Variants in XIRP2 observed in about 807,000 individuals in gnomAD.
The protein encoded by XIRP2 is xin actin-binding repeat-containing protein 2.
A neutral mutation model predicts 277.0 loss-of-function variants in XIRP2; 236 were observed. That is an observed-to-expected ratio of 0.85 (90% confidence interval 0.77 to 0.95). The LOEUF (loss-of-function observed/expected upper bound fraction) is 0.95. Among genes scored for constraint, XIRP2 ranks in the 40% least tolerant of loss-of-function variants. The pLI, the probability that XIRP2 is intolerant of heterozygous loss-of-function variation, is 0.00. For synonymous variants in XIRP2, 1,490 were observed against 1,416.5 expected (o/e 1.05, Z -1.17); for missense variants, 4,640 against 4,157.5 (o/e 1.12, Z -3.19).
chr2:167,136,148 T>C, intron 3 of XIRP2, 86 bp downstream of exon 3: 11 of 1,323,140 alleles, frequency 8.3e-6, no homozygotes, highest in Non-Finnish European at 1.1e-5. Context: ...GAGGGGTTTG[T>C]TTAAAAATTA....
chr2:167,072,352 T>C (rs982449556), intron 2 of XIRP2, among the ~76,000 whole-genome samples: 1 of 152,154 alleles, frequency 6.6e-6, no homozygotes, highest in African/African-American at 2.4e-5. Context: ...CAAGTTAGTA[T>C]AATAGCTATG....
chr2:167,125,440 G>A (rs183105272), intron 2 of XIRP2, among the ~76,000 whole-genome samples: 1 of 152,260 alleles, frequency 6.6e-6, no homozygotes, highest in Non-Finnish European at 1.5e-5. Context: ...TACCAGCTTA[G>A]CATCAGACTG....
intron 2 of XIRP2, among the ~76,000 whole-genome samples, chr2:167,056,046 T>C (rs1024085221): frequency 6.6e-6 from 1 of 152,180 alleles, no homozygotes; most frequent in Non-Finnish European, 1.5e-5. Flanking sequence ...CACTAATTTT[T>C]ATTTCGAAAA....
chr2:167,031,212 T>C (rs1289468239), intron 2 of XIRP2, among the ~76,000 whole-genome samples: 1 of 152,172 alleles, frequency 6.6e-6, no homozygotes, highest in South Asian at 2.1e-4. Context: ...AACACTGTTA[T>C]GTGTGAATTT....
chr2:167,127,439 A>C (rs547830683), intron 2 of XIRP2, among the ~76,000 whole-genome samples: 7 of 152,286 alleles, frequency 4.6e-5, no homozygotes, highest in Admixed American at 3.9e-4. Flanking sequence ...GAAATGCTTC[A>C]TGTGGACTGA....
intron 3 of XIRP2, among the ~76,000 whole-genome samples, chr2:167,140,568 C>T (rs559002103): frequency 1.0e-3 from 155 of 152,256 alleles, no homozygotes; most frequent in African/African-American, 3.3e-3. Context: ...TCTCTGGATA[C>T]ACGATGGTGG....
In XIRP2 at chr2:167,216,679, TTGGTGGGACTGGAAACTAGTTCAA is replaced by T. The variant is rs1694253758; in HGVS notation, c.724-1486_724-1463del. ...GAGAAATAGGAACACTTTTACACTG[TTGGTGGGACTGGAAACTAGTTCAA>T]CCATTGTGGAAGTCAGTGTGGCGAT... On this transcript the variant is annotated intron_variant, in intron 4 of 10. Coordinates refer to ENST00000409195, the MANE Select transcript of XIRP2 (RefSeq NM_152381.6). 5.2e-5 allele frequency among the ~76,000 whole-genome samples: 3 copies of T among 57,406 alleles called. No individual in the cohort carries two copies. In the African/African-American group the frequency reaches 6.2e-4, roughly 12 times the overall value. 37.7% of individuals were successfully genotyped at this position (57,406 alleles called of 152,430 possible).
chr2:166,901,345 T>C (rs759733067), intron 1 of XIRP2, among the ~76,000 whole-genome samples: 37 of 152,092 alleles, frequency 2.4e-4, no homozygotes, highest in Non-Finnish European at 4.7e-4. Flanking sequence ...CTTTTCAAAG[T>C]CCTCATGTTT....
At chr2:166,957,254 G>A (rs2105402956) in intron 2 of XIRP2, among the ~76,000 whole-genome samples, 1 of 151,506 alleles carries the variant, frequency 6.6e-6, no homozygotes, top group East Asian at 2.0e-4. Flanking sequence ...AAATTAAATT[G>A]TACAAGGGAA....
intron 2 of XIRP2, among the ~76,000 whole-genome samples, chr2:167,109,418 C>G (rs1690689042): frequency 6.6e-6 from 1 of 151,958 alleles, no homozygotes; most frequent in Non-Finnish European, 1.5e-5. Flanking sequence ...GTAGCTGGGA[C>G]TACAGGCATG....
At chr2:167,063,015 T>G (rs1689209806) in intron 2 of XIRP2, among the ~76,000 whole-genome samples, 1 of 152,026 alleles carries the variant, frequency 6.6e-6, no homozygotes, top group Admixed American at 6.6e-5. Flanking sequence ...TTTTTCTAGT[T>G]TGTAGGCAAA....
chr2:167,024,276 A>C (rs13035716), intron 2 of XIRP2, among the ~76,000 whole-genome samples: 14,623 of 152,064 alleles, frequency 0.096, 782 homozygotes, highest in Middle Eastern at 0.16. Flanking sequence ...GTGTATAAGA[A>C]TGCTTGTGAT....
At chr2:167,135,079 T>A (rs1272043378) in intron 2 of XIRP2, among the ~76,000 whole-genome samples, 1 of 152,206 alleles carries the variant, frequency 6.6e-6, no homozygotes, top group Non-Finnish European at 1.5e-5. Flanking sequence ...AATCTTTAAC[T>A]TATGTGTAGC....
At chr2:167,078,690 G>A (rs1689645071) in intron 2 of XIRP2, among the ~76,000 whole-genome samples, 1 of 152,050 alleles carries the variant, frequency 6.6e-6, no homozygotes, top group Admixed American at 6.6e-5. Context: ...CAAAAAATTA[G>A]CAAGGGCATG....
At chr2:166,908,992 C>A (rs989322580) in intron 2 of XIRP2, among the ~76,000 whole-genome samples, 1 of 152,232 alleles carries the variant, frequency 6.6e-6, no homozygotes, top group African/African-American at 2.4e-5. Flanking sequence ...GTTTTGGTAC[C>A]AGTACCATGC....
Position 166,900,598 on chromosome 2 carries a change from T to C in XIRP2, c.-18-2867T>C, listed in dbSNP as rs114636725. ...GTTGTAAAACTCTGCATATTACTTA[T>C]GTATTTCTGACCTTTGACTCCCTGA... On this transcript the variant is annotated intron_variant, in intron 1 of 10. Coordinates refer to ENST00000409195, the MANE Select transcript of XIRP2 (RefSeq NM_152381.6). 1.9e-3 allele frequency among the ~76,000 whole-genome samples: 282 copies of C among 152,210 alleles called. 1 individual carries two copies. Among genetic ancestry groups the C allele is most frequent in the Middle Eastern group, 0.014 (4 of 294 alleles).
intron 2 of XIRP2, among the ~76,000 whole-genome samples, chr2:166,939,679 C>CAAAAAAAAAAAAAAAAAAAAAAAAAAA (rs138977006): frequency 4.4e-5 from 4 of 90,670 alleles, no homozygotes; most frequent in African/African-American, 5.1e-5. Flanking sequence ...GACTCCATCA[C>CAAAAAAAAAAAAAAAAAAAAAAAAAAA]AAAAAAAAAA....
At chr2:167,233,786 A>G (rs1002511378) in intron 5 of XIRP2, among the ~76,000 whole-genome samples, 1 of 151,370 alleles carries the variant, frequency 6.6e-6, no homozygotes, top group African/African-American at 2.4e-5. Flanking sequence ...TTGGACATTT[A>G]TGTTTATTTA....
intron 1 of XIRP2, among the ~76,000 whole-genome samples, chr2:166,893,062 CGT>C (rs1684148754): frequency 6.6e-6 from 1 of 150,906 alleles, no homozygotes; most frequent in African/African-American, 2.4e-5. Flanking sequence ...AGAGGGTTTG[CGT>C]GTGCTGTAAT....
Sources: allele counts gnomAD v4.1 joint callset (sites outside exome capture counted in the v4.1 genomes callset), GRCh38; gene constraint gnomAD v4.1.1; transcripts MANE v1.5; gene names NCBI Gene and HGNC (gene_info 2026-07-23, HGNC 2026-07-21).